Variants in PIGF observed in about 807,000 individuals in gnomAD.
The protein encoded by PIGF is GPI ethanolamine phosphate transferase, stabilizing subunit.
PIGF carries 23 observed loss-of-function variants against 26.0 expected under a neutral mutation model. The ratio of observed to expected loss-of-function variants is 0.88; its 90% CI spans 0.64 to 1.25. PIGF has a LOEUF of 1.25. Among genes scored for constraint, PIGF ranks in the 50% most tolerant of loss-of-function variants. The pLI is 0.00. For synonymous variants in PIGF, 93 were observed against 92.6 expected (o/e 1.00, Z -0.03); for missense variants, 278 against 249.9 (o/e 1.11, Z -0.76).
At position 46,610,991 on chromosome 2, in the gene PIGF, C is replaced by G. The variant is rs181367555; in HGVS notation, c.437+1237G>C. Among the ~76,000 whole-genome samples the G allele has an allele frequency of 2.9e-3, 434 of 152,272 alleles. 1 individual carries two copies. The highest frequency in any genetic ancestry group is 9.4e-3 in the African/African-American group (392 of 41,558). On this transcript the variant is annotated intron_variant, in intron 4 of 5. Coordinates refer to ENST00000281382, the MANE Select transcript of PIGF (RefSeq NM_002643.4). ...TTATCCATTCTCCTTGCACGAGGTG[C>G]CTTTCTCTTCCTTCTTGGTCTCACC...
intron 4 of PIGF, among the ~76,000 whole-genome samples, chr2:46,597,062 C>T (rs927501253): frequency 6.6e-6 from 1 of 152,136 alleles, no homozygotes. Flanking sequence ...TGCTTGATTT[C>T]TTCTCCCCGC....
chr2:46,592,620 T>G, intron 4 of PIGF, 37 bp from the exon 5 acceptor site: 1 of 984,652 alleles, frequency 1.0e-6, no homozygotes, highest in Non-Finnish European at 1.7e-6. Context: ...TGGTGGTATA[T>G]ACATGAGCTG....
chr2:46,587,074 T>C (rs769591774), intron 5 of PIGF, among the ~76,000 whole-genome samples: 4 of 152,266 alleles, frequency 2.6e-5, no homozygotes, highest in Admixed American at 6.5e-5. Context: ...TCAACATGAT[T>C]ACCCTACGAT....
Position 46,615,055 on chromosome 2 carries a change from A to C in PIGF, c.110T>G (p.Leu37Trp). The change falls in exon 2 of 6, where the codon TTG (leucine) becomes TGG (tryptophan). Residue 37 changes from leucine (L) to tryptophan (W), a missense_variant. Physicochemically the swap from Leu to Trp is moderately conservative, Grantham distance 61. Transcript: ENST00000281382. ...GCACAACCATGTCAAGTGTGTTTCC[A>C]ATATTGAGAAGTTCTCCAAGAAGAG... ...PSLFLENFSI[L>W]ETHLTWLCIC... The C allele has an allele frequency of 6.2e-7, 1 of 1,600,886 alleles. No homozygotes were observed. The highest frequency in any genetic ancestry group is 8.6e-7 in the Non-Finnish European group (1 of 1,168,062).
In PIGF at chr2:46,588,272, C is replaced by T; in HGVS notation, c.546+4203G>A. 1.3e-6 allele frequency: 2 copies of T among 1,500,650 alleles called. No homozygotes were observed. The highest frequency in any genetic ancestry group is 1.8e-6 in the Non-Finnish European group (2 of 1,117,144). The allele number at this position is 1,500,650 out of a possible 1,614,324, so 93.0% of individuals were successfully genotyped here. On this transcript the variant is annotated intron_variant, in intron 5 of 5. Coordinates refer to ENST00000281382, the MANE Select transcript of PIGF (RefSeq NM_002643.4). The surrounding 1 kb of genome is among the most constrained non-coding windows in gnomAD (Gnocchi z 4.1). The stretch of plus-strand genomic sequence containing the variant: ...CAGAGAAATAGATAAATTAACAGTC[C>T]ACTCTACCAACTGAAAGACTGCTGG...
intron 4 of PIGF, among the ~76,000 whole-genome samples, chr2:46,594,598 T>C (rs978637908): frequency 2.0e-5 from 3 of 149,658 alleles, no homozygotes; most frequent in African/African-American, 7.4e-5. Flanking sequence ...TGTAATAGAG[T>C]GATCTCGGAT....
intron 4 of PIGF, among the ~76,000 whole-genome samples, chr2:46,610,425 T>G (rs1670373424): frequency 6.6e-6 from 1 of 152,134 alleles, no homozygotes; most frequent in South Asian, 2.1e-4. Context: ...TTTGGGATAT[T>G]ATGGTAATAA....
intron 4 of PIGF, among the ~76,000 whole-genome samples, chr2:46,601,836 G>A (rs1452941910): frequency 1.3e-5 from 2 of 151,614 alleles, no homozygotes; most frequent in Admixed American, 6.6e-5. Flanking sequence ...TTTTCACCTC[G>A]GCTAGATCAC....
rs1670662672 is a variant in PIGF at position 46,616,980 on chromosome 2, C to G, written c.-32G>C. On this transcript the variant is annotated 5_prime_UTR_variant, in exon 1 of 6. Coordinates refer to ENST00000281382, the MANE Select transcript of PIGF (RefSeq NM_002643.4). ...TCCAGCGGGGCTTACCTAACTCTCCCTCCCGCGGAAGGGAAGCGGGGAACT... is the reference window on the plus strand; with the variant it reads ...TCCAGCGGGGCTTACCTAACTCTCCGTCCCGCGGAAGGGAAGCGGGGAACT... 5.6e-6 allele frequency: 3 copies of G among 537,986 alleles called. No individual in the cohort carries two copies. In the African/African-American group the frequency reaches 5.9e-5, roughly 11 times the overall value. The allele number at this position is 537,986 out of a possible 1,614,324, so 33.3% of individuals were successfully genotyped here. A position where few individuals can be genotyped will look rare whatever the true frequency, so the allele number is the denominator to read the frequency against.
intron 5 of PIGF, chr2:46,591,823 A>T: frequency 7.7e-7 from 1 of 1,298,862 alleles, no homozygotes. Context: ...TTTACCTAGC[A>T]TATCAGCTTT....
At position 46,592,514 on chromosome 2, in the gene PIGF, T is replaced by C; in HGVS notation, c.507A>G (p.Gly169=). 6.2e-7 allele frequency: 1 copy of C among 1,610,064 alleles called. No individual in the cohort carries two copies. Among genetic ancestry groups the C allele is most frequent in the South Asian group, 1.1e-5 (1 of 90,974 alleles). Residue 169 remains glycine (G), a synonymous_variant, in exon 5 of 6, where the codon GGA becomes GGG. Coordinates refer to ENST00000281382, the MANE Select transcript of PIGF (RefSeq NM_002643.4). ...CCCAATCCAGTGGAATAGGAAGTGC[T>C]CCAAGCCATGCTCCTACAAAGCTAG... ...TISSFVGAWL[G]ALPIPLDWER... is the part of the protein sequence containing the mutation.
chr2:46,606,261 C>T lies in PIGF; in HGVS notation c.437+5967G>A, dbSNP rs528939906. Among the ~76,000 whole-genome samples, 3 of 152,276 alleles carry T rather than the reference C, an allele frequency of 2.0e-5. No individual in the cohort carries two copies. In the East Asian group the frequency reaches 5.8e-4, roughly 29 times the overall value. ...TCCTCTAGCTTCTCAGATCCCCTCG[C>T]AAGAGACAACAGGTTTTATCAGTTT... is the stretch of plus-strand genomic sequence containing the variant. On this transcript the variant is annotated intron_variant, in intron 4 of 5. Coordinates refer to ENST00000281382, the MANE Select transcript of PIGF (RefSeq NM_002643.4).
intron 1 of PIGF, 36 bp downstream of exon 1, chr2:46,616,934 T>G: frequency 3.3e-6 from 1 of 302,726 alleles, no homozygotes; most frequent in Non-Finnish European, 5.5e-6. Context: ...TTGCACCTCG[T>G]GAGGCGAGAC....
intron 4 of PIGF, among the ~76,000 whole-genome samples, chr2:46,608,941 T>C (rs1670310812): frequency 6.6e-6 from 1 of 152,190 alleles, no homozygotes; most frequent in African/African-American, 2.4e-5. Flanking sequence ...AATGGTAAAT[T>C]AGCATTGACT....
At chr2:46,591,478 A>T (rs1242886390) in intron 5 of PIGF, 2 of 778,288 alleles carry the variant, frequency 2.6e-6, no homozygotes, top group Admixed American at 6.3e-5. Flanking sequence ...TTCATGTTGG[A>T]AAAAGAAAGC....
chr2:46,587,149 T>G (rs1429476246), intron 5 of PIGF, among the ~76,000 whole-genome samples: 1 of 152,216 alleles, frequency 6.6e-6, no homozygotes, highest in East Asian at 1.9e-4. Flanking sequence ...TTTCTCATGC[T>G]TGAAACATAC....
At chr2:46,606,872 T>C (rs916606607) in intron 4 of PIGF, among the ~76,000 whole-genome samples, 4 of 152,160 alleles carry the variant, frequency 2.6e-5, no homozygotes, top group African/African-American at 7.2e-5. Flanking sequence ...AACTGATAAA[T>C]GGGTAAACAA....
At chr2:46,611,201 T>G (rs1670402504) in intron 4 of PIGF, among the ~76,000 whole-genome samples, 2 of 152,084 alleles carry the variant, frequency 1.3e-5, no homozygotes, top group South Asian at 2.1e-4. Context: ...AGAATCCTCC[T>G]AATAAGGCCG....
chr2:46,604,678 T>TA (rs1448706079), intron 4 of PIGF, among the ~76,000 whole-genome samples: 2 of 151,280 alleles, frequency 1.3e-5, no homozygotes, highest in African/African-American at 2.4e-5. Context: ...CTCATGGAGA[T>TA]AGAGAGTAGA....
Sources: gnomAD v4.1 joint callset for allele counts (sites outside exome capture counted in the v4.1 genomes callset) on GRCh38, gnomAD v4.1.1 for gene constraint, Gnocchi (gnomAD v3.1) non-coding constraint, MANE v1.5 for transcripts, NCBI Gene and HGNC (gene_info 2026-07-23, HGNC 2026-07-21) for gene names.